The following RAP1GDS1 variants were observed in gnomAD, a reference collection of about 807,000 sequenced individuals.
RAP1GDS1 encodes the protein RAP1, GTP-GDP dissociation stimulator 1.
A neutral mutation model predicts 71.1 loss-of-function variants in RAP1GDS1; 35 were observed. The ratio of observed to expected loss-of-function variants is 0.49; its 90% CI spans 0.38 to 0.65. The LOEUF is 0.65. Among genes scored for constraint, RAP1GDS1 ranks in the 30% least tolerant of loss-of-function variants. RAP1GDS1 has a pLI of 0.00. For synonymous variants in RAP1GDS1, 229 were observed against 243.1 expected, an observed-to-expected ratio of 0.94 and a Z score of 0.54; for missense variants, 663 against 706.1, an observed-to-expected ratio of 0.94 and a Z score of 0.69.
At chr4:98,320,174 G>T (rs1284501903) in intron 2 of RAP1GDS1, among the ~76,000 whole-genome samples, 3 of 152,162 alleles carry the variant, frequency 2.0e-5, no homozygotes, top group Non-Finnish European at 4.4e-5. Flanking sequence ...TCAGCAATAG[G>T]CTATTAGTTA....
intron 13 of RAP1GDS1, among the ~76,000 whole-genome samples, chr4:98,434,633 T>C (rs962897808): frequency 2.0e-4 from 30 of 152,078 alleles, no homozygotes; most frequent in Non-Finnish European, 3.7e-4. Flanking sequence ...TTTTTTTTTT[T>C]TTTTGAAACA....
intron 5 of RAP1GDS1, among the ~76,000 whole-genome samples, chr4:98,381,411 T>C (rs1741997430): frequency 6.6e-6 from 1 of 151,656 alleles, no homozygotes; most frequent in Non-Finnish European, 1.5e-5. Context: ...AATTATATCC[T>C]TTTATGTATG....
chr4:98,353,023 A>C (rs1192065079), intron 4 of RAP1GDS1, among the ~76,000 whole-genome samples: 2 of 152,174 alleles, frequency 1.3e-5, no homozygotes, highest in African/African-American at 4.8e-5. Flanking sequence ...CCAATCATAA[A>C]AACCATTCTC....
At chr4:98,280,229 T>C (rs1432937717) in intron 1 of RAP1GDS1, among the ~76,000 whole-genome samples, 1 of 152,210 alleles carries the variant, frequency 6.6e-6, no homozygotes, top group Non-Finnish European at 1.5e-5. Flanking sequence ...CCACCAACAG[T>C]GTAAAAGCAT....
intron 6 of RAP1GDS1, among the ~76,000 whole-genome samples, chr4:98,392,696 G>T (rs1335712644): frequency 1.3e-5 from 2 of 151,944 alleles, no homozygotes; most frequent in Non-Finnish European, 2.9e-5. Context: ...GCCAGACCCT[G>T]TCTCAAGAAA....
intron 2 of RAP1GDS1, among the ~76,000 whole-genome samples, chr4:98,311,036 C>G (rs1273617101): frequency 6.6e-6 from 1 of 152,180 alleles, no homozygotes; most frequent in East Asian, 1.9e-4. Flanking sequence ...CCCAGAGACT[C>G]TGATTCAGTA....
At chr4:98,352,428 A>G in intron 3 of RAP1GDS1, 48 bp from the exon 4 acceptor site, 1 of 1,587,578 alleles carries the variant, frequency 6.3e-7, no homozygotes, top group Non-Finnish European at 8.6e-7. Flanking sequence ...TGATTTATGT[A>G]AATTGTGAAT....
At chr4:98,394,457 A>G (rs1157431028) in intron 6 of RAP1GDS1, among the ~76,000 whole-genome samples, 1 of 152,074 alleles carries the variant, frequency 6.6e-6, no homozygotes, top group African/African-American at 2.4e-5. Context: ...AAACTTTAAG[A>G]AACTTATTCC....
rs565618073 is a variant in RAP1GDS1 at position 98,318,260 on chromosome 4, A to G, written c.112+24745A>G. On this transcript the variant is annotated intron_variant, in intron 2 of 14. Transcript: ENST00000408927. ...CATGGGACCTACAAAAGGATAGAGTACAGAGATCCTCAGGGGATGCGTTCC... is the reference window on the plus strand; with the variant it reads ...CATGGGACCTACAAAAGGATAGAGTGCAGAGATCCTCAGGGGATGCGTTCC... Among the ~76,000 whole-genome samples, 4 of 152,320 alleles carry G rather than the reference A, an allele frequency of 2.6e-5. No homozygotes were observed. The East Asian group carries it at 7.7e-4, about 29-fold the overall frequency.
chr4:98,349,636 A>G (rs908959532), intron 3 of RAP1GDS1, among the ~76,000 whole-genome samples: 2 of 152,068 alleles, frequency 1.3e-5, no homozygotes, highest in African/African-American at 4.8e-5. Context: ...GTCCTCTTTT[A>G]TTTCGTTGAG....
At chr4:98,391,133 T>C (rs577922597) in intron 5 of RAP1GDS1, among the ~76,000 whole-genome samples, 1 of 152,116 alleles carries the variant, frequency 6.6e-6, no homozygotes, top group African/African-American at 2.4e-5. Flanking sequence ...TCATTTTTGG[T>C]TCATTTATCT....
At chr4:98,380,495 T>A (rs1256488285) in intron 5 of RAP1GDS1, among the ~76,000 whole-genome samples, 7 of 151,806 alleles carry the variant, frequency 4.6e-5, no homozygotes, top group Non-Finnish European at 8.8e-5. Flanking sequence ...CTTGAGCTAA[T>A]AATAAATGGT....
intron 1 of RAP1GDS1, among the ~76,000 whole-genome samples, chr4:98,269,195 A>AT: frequency 8.3e-6 from 1 of 120,250 alleles, no homozygotes; most frequent in East Asian, 2.6e-4. Context: ...AAAAAAAAAA[A>AT]GCCAAGGAAA....
chr4:98,355,880 T>C (rs1415606669), intron 4 of RAP1GDS1, among the ~76,000 whole-genome samples: 1 of 152,184 alleles, frequency 6.6e-6, no homozygotes, highest in African/African-American at 2.4e-5. Flanking sequence ...ATGAACTTTT[T>C]GAATCCCAGT....
At chr4:98,278,600 C>T (rs1179470442) in intron 1 of RAP1GDS1, among the ~76,000 whole-genome samples, 1 of 152,166 alleles carries the variant, frequency 6.6e-6, no homozygotes, top group African/African-American at 2.4e-5. Flanking sequence ...AATAGATTCT[C>T]TGCTCTCCCA....
At chr4:98,403,954 A>G (rs1268223295) in intron 6 of RAP1GDS1, among the ~76,000 whole-genome samples, 2 of 152,142 alleles carry the variant, frequency 1.3e-5, no homozygotes, top group Non-Finnish European at 2.9e-5. Flanking sequence ...GTTTGTTTTT[A>G]ATATTGTTTT....
In RAP1GDS1 at chr4:98,416,957, G is replaced by A. The variant is rs114616924; in HGVS notation, c.907+69G>A. 7.2e-4 allele frequency: 1,087 copies of A among 1,513,654 alleles called. 5 individuals carry two copies. The African/African-American group carries it at 0.013, about 18-fold the overall frequency. The allele number at this position is 1,513,654 out of a possible 1,614,324, so 93.8% of individuals were successfully genotyped here. On this transcript the variant is annotated intron_variant, in intron 8 of 14. Transcript: ENST00000408927. ...GTTTTTAAAATTTATTGTCTCTTCT[G>A]TAAATACTACCCTAGACATTTTCTC... is the stretch of plus-strand genomic sequence containing the variant.
chr4:98,394,816 T>A (rs1213449009), intron 6 of RAP1GDS1, among the ~76,000 whole-genome samples: 3 of 152,154 alleles, frequency 2.0e-5, no homozygotes, highest in Non-Finnish European at 4.4e-5. Context: ...TATAAATATA[T>A]TAACATTTCT....
chr4:98,278,004 G>A (rs954174045), intron 1 of RAP1GDS1, among the ~76,000 whole-genome samples: 14 of 152,162 alleles, frequency 9.2e-5, no homozygotes, highest in Non-Finnish European at 1.5e-4. Flanking sequence ...AGGCGGATGT[G>A]TCACTTGAGG....
Sources: allele counts gnomAD v4.1 joint callset (sites outside exome capture counted in the v4.1 genomes callset), GRCh38; gene constraint gnomAD v4.1.1; transcripts MANE v1.5; gene names NCBI Gene and HGNC (gene_info 2026-07-23, HGNC 2026-07-21).